The following ANKMY2 variants were observed in gnomAD, a reference collection of about 807,000 sequenced individuals.
The protein encoded by ANKMY2 is ankyrin repeat and MYND domain containing 2.
ANKMY2 carries 36 observed loss-of-function variants against 50.4 expected under a neutral mutation model. That is an observed-to-expected ratio of 0.71 (90% CI 0.55 to 0.94). The LOEUF is 0.94. Ranked by LOEUF, ANKMY2 falls within the 40% of genes least tolerant of loss-of-function variation. The probability of loss-of-function intolerance (pLI) is 0.00; values close to 1 mark genes in which losing one functional copy is unlikely to be tolerated. For missense variants in ANKMY2, 565 were observed against 524.0 expected (o/e 1.08, Z -0.76); for synonymous variants, 187 against 178.8 (o/e 1.05, Z -0.36).
At chr7:16,637,449 A>G (rs1781680553) in intron 1 of ANKMY2, among the ~76,000 whole-genome samples, 1 of 152,200 alleles carries the variant, frequency 6.6e-6, no homozygotes, top group South Asian at 2.1e-4. Flanking sequence ...TCACCAACAG[A>G]GAAAAAACAG....
chr7:16,625,100 C>T lies in ANKMY2; in HGVS notation c.272-19G>A. ...TTATTACCTAGAGTTTTAAAGGGAA[C>T]ACATTTGTTAATGTTAAGGAGGACA... On this transcript the variant is annotated intron_variant, in intron 3 of 9. Coordinates refer to ENST00000306999, the MANE Select transcript of ANKMY2 (RefSeq NM_020319.3). The T allele has an allele frequency of 6.3e-7, 1 of 1,588,458 alleles. No homozygotes were observed.
chr7:16,601,510 T>A (rs1225416598), intron 9 of ANKMY2, among the ~76,000 whole-genome samples: 1 of 152,210 alleles, frequency 6.6e-6, no homozygotes, highest in Non-Finnish European at 1.5e-5. Flanking sequence ...AATAAAAAAG[T>A]TTGGTCAAGA....
At position 16,600,754 on chromosome 7, in the gene ANKMY2, C is replaced by T. The variant is rs201936951; in HGVS notation, c.*7G>A. The T allele has an allele frequency of 6.3e-7, 1 of 1,597,636 alleles. No homozygotes were observed. The highest frequency in any genetic ancestry group is 2.2e-5 in the East Asian group (1 of 44,554). ...AGGATCATCCACACTGGCACTTGCT[C>T]TGGCTTTTACTCCTCAGACACCTGT... On this transcript the variant is annotated 3_prime_UTR_variant, in exon 10 of 10. Coordinates refer to ENST00000306999, the MANE Select transcript of ANKMY2 (RefSeq NM_020319.3).
At chr7:16,626,973 T>G in intron 3 of ANKMY2, 67 bp downstream of exon 3, 1 of 1,235,218 alleles carries the variant, frequency 8.1e-7, no homozygotes, top group Non-Finnish European at 1.1e-6. Flanking sequence ...AATTTAATCT[T>G]TTAGTATATA....
At chr7:16,628,672 T>G (rs1781538605) in intron 2 of ANKMY2, among the ~76,000 whole-genome samples, 1 of 152,092 alleles carries the variant, frequency 6.6e-6, no homozygotes, top group Admixed American at 6.5e-5. Flanking sequence ...AAGAAGCTAG[T>G]GTGTAGCCTG....
At chr7:16,641,097 G>T (rs375089972) in intron 1 of ANKMY2, among the ~76,000 whole-genome samples, 1 of 152,058 alleles carries the variant, frequency 6.6e-6, no homozygotes, top group East Asian at 1.9e-4. Flanking sequence ...AGCCGGGCGC[G>T]GTGGTGCACG....
intron 8 of ANKMY2, among the ~76,000 whole-genome samples, chr7:16,604,397 T>C (rs1196761630): frequency 6.6e-6 from 1 of 152,224 alleles, no homozygotes; most frequent in Admixed American, 6.5e-5. Flanking sequence ...GTTTCACATC[T>C]GCACCAGCCT....
At position 16,645,331 on chromosome 7, in the gene ANKMY2, C is replaced by G. The variant is rs550633693; in HGVS notation, c.67+176G>C. 9.8e-5 allele frequency among the ~76,000 whole-genome samples: 15 copies of G among 152,310 alleles called. 1 individual carries two copies. The South Asian group carries it at 3.1e-3, about 32-fold the overall frequency. On this transcript the variant is annotated intron_variant, in intron 1 of 9. Transcript: ENST00000306999. Reference sequence around the variant, plus strand: ...TCCCAGCACTGCTTCTGCCTCCCCACCTCTCCGCCCCTGCAACCTTTCCCA... The same window carrying G: ...TCCCAGCACTGCTTCTGCCTCCCCAGCTCTCCGCCCCTGCAACCTTTCCCA...
chr7:16,604,737 C>T lies in ANKMY2; in HGVS notation c.995G>A (p.Cys332Tyr), dbSNP rs1266841529. The change falls in exon 8 of 10, where the codon TGT (cysteine) becomes TAT (tyrosine). Residue 332 changes from cysteine (C) to tyrosine (Y), a missense_variant. Transcript: ENST00000306999. ...TCGEKGASKR[C>Y]SVCKMVIYCD... ...CATTCTTACCATTTTGCAAACTGAA[C>T]ATCTTTTACTTGCTCCCTTTTCTCC... The T allele has an allele frequency of 2.5e-6, 4 of 1,613,642 alleles. No homozygotes were observed. The highest frequency in any genetic ancestry group is 3.4e-6 in the Non-Finnish European group (4 of 1,179,794).
chr7:16,616,581 T>G (rs1781355229), intron 4 of ANKMY2, among the ~76,000 whole-genome samples: 1 of 149,038 alleles, frequency 6.7e-6, no homozygotes, highest in African/African-American at 2.5e-5. Context: ...CGCCCCCCCC[T>G]CCCTAGCTCC....
At chr7:16,632,554 A>G in intron 2 of ANKMY2, among the ~76,000 whole-genome samples, 1 of 152,182 alleles carries the variant, frequency 6.6e-6, no homozygotes, top group East Asian at 1.9e-4. Flanking sequence ...AATGTTTTCA[A>G]GGTTGATGCA....
intron 4 of ANKMY2, among the ~76,000 whole-genome samples, chr7:16,619,693 T>A (rs1583675666): frequency 6.6e-6 from 1 of 152,058 alleles, no homozygotes; most frequent in African/African-American, 2.4e-5. Context: ...TGAATATACA[T>A]AAATAAAATA....
chr7:16,616,207 G>A (rs923043271), intron 4 of ANKMY2, among the ~76,000 whole-genome samples: 4 of 152,148 alleles, frequency 2.6e-5, no homozygotes, highest in African/African-American at 9.7e-5. Context: ...TTTTCTAACA[G>A]TTGCTTGTAA....
chr7:16,600,657 C>T lies in ANKMY2; in HGVS notation c.*104G>A, dbSNP rs534269609. 207 of 999,642 alleles carry T rather than the reference C, an allele frequency of 2.1e-4. 2 individuals are homozygous for T. The South Asian group carries it at 5.7e-3, about 27-fold the overall frequency. 61.9% of individuals were successfully genotyped at this position (999,642 alleles called of 1,614,324 possible). On this transcript the variant is annotated 3_prime_UTR_variant, in exon 10 of 10. Coordinates refer to ENST00000306999, the MANE Select transcript of ANKMY2 (RefSeq NM_020319.3). ...GTATTCTATGAAATGTGGAATCCTGCCATGGTGCCACGCAGGTATAACAAG... is the reference window on the plus strand; with the variant it reads ...GTATTCTATGAAATGTGGAATCCTGTCATGGTGCCACGCAGGTATAACAAG...
At chr7:16,615,700 A>C in intron 5 of ANKMY2, 44 bp downstream of exon 5, 1 of 1,611,738 alleles carries the variant, frequency 6.2e-7, no homozygotes, top group Non-Finnish European at 8.5e-7. Flanking sequence ...TAAACTCTGA[A>C]GCAATATTTA....
In ANKMY2 at chr7:16,625,849, G is replaced by T. The variant is rs538400496; in HGVS notation, c.272-768C>A. On this transcript the variant is annotated intron_variant, in intron 3 of 9. Transcript: ENST00000306999. ...AATAAGCTAAAAAATAAAATTTATTGTTCTAATTTGCATTTTTTTGATTAC... is the reference window on the plus strand; with the variant it reads ...AATAAGCTAAAAAATAAAATTTATTTTTCTAATTTGCATTTTTTTGATTAC... 2.0e-4 allele frequency among the ~76,000 whole-genome samples: 30 copies of T among 151,708 alleles called. No homozygotes were observed. The South Asian group carries it at 6.0e-3, about 30-fold the overall frequency.
In ANKMY2 at chr7:16,627,158, C is replaced by T. The variant is rs367715283; in HGVS notation, c.153G>A (p.Met51Ile). 16 of 1,594,288 alleles carry T rather than the reference C, an allele frequency of 1.0e-5. No homozygotes were observed. In the Admixed American group the frequency reaches 1.2e-4, roughly 12 times the overall value. The part of the protein sequence containing the change: ...CLDENGMTPL[M>I]HAAYKGKLDM... Reference sequence around the variant, plus strand: ...CGAGTTTTCCTTTATATGCTGCATGCATTAGAGGAGTCATTCCATTCTTTA... The same window carrying T: ...CGAGTTTTCCTTTATATGCTGCATGTATTAGAGGAGTCATTCCATTCTTTA... The change falls in exon 3 of 10, where the codon ATG (methionine) becomes ATA (isoleucine). Residue 51 changes from methionine (M) to isoleucine (I), a missense_variant. Physicochemically the swap from Met to Ile is conservative, Grantham distance 10. Transcript: ENST00000306999.
intron 4 of ANKMY2, 23 bp downstream of exon 4, chr7:16,624,960 G>A: frequency 6.2e-7 from 1 of 1,604,504 alleles, no homozygotes. Context: ...ATAATCTAAT[G>A]CAAAACTGCA....
At chr7:16,626,480 G>C (rs1781508655) in intron 3 of ANKMY2, among the ~76,000 whole-genome samples, 1 of 152,068 alleles carries the variant, frequency 6.6e-6, no homozygotes, top group Non-Finnish European at 1.5e-5. Context: ...TGAAAATATA[G>C]ATTATTATCT....
Sources: allele counts gnomAD v4.1 joint callset (sites outside exome capture counted in the v4.1 genomes callset), GRCh38; gene constraint gnomAD v4.1.1; transcripts MANE v1.5; gene names NCBI Gene and HGNC (gene_info 2026-07-23, HGNC 2026-07-21).